ARMC9: variants seen among roughly 807,000 people sequenced by gnomAD.
The protein encoded by ARMC9 is armadillo repeat containing 9, also known as lisH domain-containing protein ARMC9.
A neutral mutation model predicts 107.0 loss-of-function variants in ARMC9; 94 were observed. The observed-to-expected ratio is 0.88, with a 90% confidence interval of 0.74 to 1.04. ARMC9 has a LOEUF of 1.04. Among genes scored for constraint, ARMC9 ranks in the 50% least tolerant of loss-of-function variants. The probability of loss-of-function intolerance (pLI) is 0.00; values close to 1 mark genes in which losing one functional copy is unlikely to be tolerated. For synonymous variants in ARMC9, 380 were observed against 396.9 expected (o/e 0.96, Z 0.51); for missense variants, 942 against 1,030.1 (o/e 0.91, Z 1.17).
intron 21 of ARMC9, among the ~76,000 whole-genome samples, chr2:231,346,015 G>T (rs998693522): frequency 2.6e-5 from 4 of 152,184 alleles, no homozygotes; most frequent in African/African-American, 9.7e-5. Context: ...GATGAGTTCT[G>T]TTGCCCATCT....
chr2:231,299,402 G>A (rs975767594), intron 19 of ARMC9, among the ~76,000 whole-genome samples: 1 of 152,192 alleles, frequency 6.6e-6, no homozygotes, highest in African/African-American at 2.4e-5. Context: ...TGCAAGGGGG[G>A]AATAGGAATA....
intron 23 of ARMC9, among the ~76,000 whole-genome samples, chr2:231,368,548 C>G (rs1228991391): frequency 6.6e-6 from 1 of 152,088 alleles, no homozygotes; most frequent in Non-Finnish European, 1.5e-5. Context: ...GTAACTGTAC[C>G]CACAAGTAAG....
At chr2:231,306,879 G>C (rs1295731928) in intron 19 of ARMC9, among the ~76,000 whole-genome samples, 2 of 152,184 alleles carry the variant, frequency 1.3e-5, no homozygotes, top group African/African-American at 4.8e-5. Context: ...TTAACACAAA[G>C]CAAGAGTTTT....
chr2:231,293,039 T>C (rs894346051), intron 18 of ARMC9, among the ~76,000 whole-genome samples: 1 of 152,132 alleles, frequency 6.6e-6, no homozygotes, highest in Non-Finnish European at 1.5e-5. Flanking sequence ...TCCAAGGGGC[T>C]CCCGATCAAA....
intron 5 of ARMC9, among the ~76,000 whole-genome samples, chr2:231,218,572 C>T (rs2033779297): frequency 2.0e-5 from 3 of 152,104 alleles, no homozygotes; most frequent in African/African-American, 7.2e-5. Context: ...CAGCTGGCAG[C>T]TTGACTCACT....
At chr2:231,339,345 T>G (rs543842278) in intron 20 of ARMC9, among the ~76,000 whole-genome samples, 1 of 151,400 alleles carries the variant, frequency 6.6e-6, no homozygotes, top group African/African-American at 2.4e-5. Context: ...AAAAAAAAAA[T>G]TATATGTATT....
At chr2:231,331,084 A>G (rs890429059) in intron 19 of ARMC9, among the ~76,000 whole-genome samples, 10 of 152,136 alleles carry the variant, frequency 6.6e-5, no homozygotes, top group East Asian at 5.8e-4. Context: ...CAAGGGCACA[A>G]TGACCTGTGA....
At chr2:231,344,857 T>G in intron 20 of ARMC9, 118 bp from the exon 21 acceptor site, 1 of 1,046,140 alleles carries the variant, frequency 9.6e-7, no homozygotes. Context: ...TCCTTCCTCA[T>G]TTATTTGCAA....
At position 231,374,548 on chromosome 2, in the gene ARMC9, A is replaced by AT. The variant is rs562736512; in HGVS notation, c.*3013_*3014insT. ...GCCCAAATCAAAAGAGCTAAAAAAA[A>AT]AATAATAAAATAAAAATAAAAATAA... On this transcript the variant is annotated 3_prime_UTR_variant, in exon 25 of 25. Transcript: ENST00000611582. 76 of 151,996 alleles carry AT rather than the reference A, an allele frequency of 5.0e-4. No individual in the cohort carries two copies. Among genetic ancestry groups the AT allele is most frequent in the African/African-American group, 1.8e-3 (73 of 41,542 alleles). The allele number at this position is 151,996 out of a possible 1,614,324, so 9.4% of individuals were successfully genotyped here.
intron 9 of ARMC9, among the ~76,000 whole-genome samples, chr2:231,246,648 T>C (rs538381636): frequency 6.6e-6 from 1 of 152,330 alleles, no homozygotes; most frequent in East Asian, 1.9e-4. Flanking sequence ...CTATTGTGAA[T>C]AGTGCTGCCA....
chr2:231,364,234 G>A (rs1418334449), intron 23 of ARMC9, among the ~76,000 whole-genome samples: 1 of 152,228 alleles, frequency 6.6e-6, no homozygotes, highest in African/African-American at 2.4e-5. Flanking sequence ...CCAGCCAGGT[G>A]TGGGGTGCTT....
chr2:231,345,934 A>G (rs1236775815), intron 21 of ARMC9, among the ~76,000 whole-genome samples: 1 of 152,192 alleles, frequency 6.6e-6, no homozygotes, highest in East Asian at 1.9e-4. Context: ...AAACTCAGAA[A>G]TGCCTGCCCT....
chr2:231,228,765 T>C (rs1428646663), intron 7 of ARMC9, among the ~76,000 whole-genome samples: 1 of 152,114 alleles, frequency 6.6e-6, no homozygotes, highest in Non-Finnish European at 1.5e-5. Context: ...GCCTTAGTTG[T>C]TAGTTGAATC....
intron 17 of ARMC9, among the ~76,000 whole-genome samples, chr2:231,290,950 G>GT (rs58962746): frequency 1.1e-4 from 15 of 135,266 alleles, no homozygotes; most frequent in Middle Eastern, 7.6e-3. Context: ...TTTTACAATA[G>GT]TTTTTTTTTT....
At chr2:231,270,641 G>A (rs1310605923) in intron 12 of ARMC9, 1 of 503,854 alleles carries the variant, frequency 2.0e-6, no homozygotes. Flanking sequence ...TGGCTTAGAG[G>A]GAGCCAAATT....
chr2:231,253,105 G>GTTTTTT (rs1049892542), intron 9 of ARMC9, among the ~76,000 whole-genome samples: 1 of 110,590 alleles, frequency 9.0e-6, no homozygotes, highest in Non-Finnish European at 1.7e-5. Flanking sequence ...TATTTTCATT[G>GTTTTTT]TTTTTTGTTT....
At chr2:231,208,816 C>A (rs1385557196) in intron 3 of ARMC9, among the ~76,000 whole-genome samples, 1 of 152,204 alleles carries the variant, frequency 6.6e-6, no homozygotes, top group Non-Finnish European at 1.5e-5. Context: ...ATCCTGTAAT[C>A]CCAGCACTTT....
At chr2:231,216,425 G>C (rs1019390562) in intron 4 of ARMC9, among the ~76,000 whole-genome samples, 2 of 152,172 alleles carry the variant, frequency 1.3e-5, no homozygotes, top group Non-Finnish European at 1.5e-5. Flanking sequence ...ATATTGAACT[G>C]TATATATAGT....
At chr2:231,368,398 G>T (rs2045895766) in intron 23 of ARMC9, among the ~76,000 whole-genome samples, 1 of 152,024 alleles carries the variant, frequency 6.6e-6, no homozygotes, top group Non-Finnish European at 1.5e-5. Context: ...TGAAAGAAAA[G>T]GAGAACATCC....
Sources: allele counts gnomAD v4.1 joint callset (sites outside exome capture counted in the v4.1 genomes callset), GRCh38; gene constraint gnomAD v4.1.1; transcripts MANE v1.5; gene names NCBI Gene and HGNC (gene_info 2026-07-23, HGNC 2026-07-21).